CUL7: variants seen among roughly 807,000 people sequenced by gnomAD.
CUL7 encodes the protein cullin-7.
Under a neutral mutation model 177.7 loss-of-function variants are expected in CUL7, and 96 were observed. That is an observed-to-expected ratio of 0.54 (90% CI 0.46 to 0.64). The LOEUF (loss-of-function observed/expected upper bound fraction) is 0.64, where lower values mean the gene tolerates loss of function less well. Among genes scored for constraint, CUL7 ranks in the 30% least tolerant of loss-of-function variants. The pLI is 0.00. For synonymous variants in CUL7, 824 were observed against 890.2 expected (o/e 0.93, Z 1.32); for missense variants, 1,893 against 2,187.9 (o/e 0.87, Z 2.69).
At chr6:43,038,791 G>T in intron 23 of CUL7, 51 bp downstream of exon 23, 1 of 1,614,062 alleles carries the variant, frequency 6.2e-7, no homozygotes, top group Non-Finnish European at 8.5e-7. Flanking sequence ...TGGGAAGAGA[G>T]GCAAGGGACA....
At chr6:43,046,202 C>A (rs371635618) in intron 12 of CUL7, 34 bp downstream of exon 12, 41 of 1,613,984 alleles carry the variant, frequency 2.5e-5, no homozygotes, top group Non-Finnish European at 3.3e-5. Flanking sequence ...GGAAAGCACA[C>A]GTGTGTGGCA....
chr6:43,037,971 C>T lies in CUL7; in HGVS notation c.4814G>A (p.Gly1605Asp), dbSNP rs1292265736. 1 of 1,596,838 alleles carries T rather than the reference C, an allele frequency of 6.3e-7. No homozygotes were observed. Among genetic ancestry groups the T allele is most frequent in the South Asian group, 1.1e-5 (1 of 88,578 alleles). ...CCCCTTACCAAGGCTGCTGACCAAA[C>T]CCCTGGGAGGACACGGGCCCTTCTG... ...AWQKGPCPPRGLVSSLGKGSA... is the reference protein window; with the variant it reads ...AWQKGPCPPRDLVSSLGKGSA... The change falls in exon 26 of 26, where the codon GGT (glycine) becomes GAT (aspartate). Residue 1605 changes from glycine to aspartate, a missense_variant. Transcript: ENST00000265348.
In CUL7 at chr6:43,045,466, G is replaced by A. The variant is rs559664750; in HGVS notation, c.2863-64C>T. The stretch of plus-strand genomic sequence containing the variant: ...CTTGGGATGGGCTGGGGTCAGCTAC[G>A]CCCTCGAACCTCACCCCTGGAGCTG... On this transcript the variant is annotated intron_variant, in intron 14 of 25. Coordinates refer to ENST00000265348, the MANE Select transcript of CUL7 (RefSeq NM_014780.5). This position sits in a 1 kb window ranked among gnomAD's most constrained non-coding sequence, Gnocchi z 4.8. 25 of 1,613,806 alleles carry A rather than the reference G, an allele frequency of 1.5e-5. No homozygotes were observed. The highest frequency in any genetic ancestry group is 3.3e-4 in the Middle Eastern group (2 of 6,062).
intron 9 of CUL7, chr6:43,047,933 TTC>T (rs1348215142): frequency 1.7e-6 from 1 of 576,906 alleles, no homozygotes; most frequent in Non-Finnish European, 3.1e-6. Context: ...AGAGCAAGAA[TTC>T]TCAGTGTATA....
chr6:43,051,291 T>C lies in CUL7; in HGVS notation c.910A>G (p.Ile304Val). ...CGCATGGCTTGCACCAGCTCCGAGA[T>C]CAGGGTGCCCATGGCCATACTGAAC... ...LEFSMAMGTL[I>V]SELVQAMRWD... The change falls in exon 4 of 26, where the codon ATC (isoleucine) becomes GTC (valine). Residue 304 changes from isoleucine (I) to valine (V), a missense_variant. Coordinates refer to ENST00000265348, the MANE Select transcript of CUL7 (RefSeq NM_014780.5). The surrounding 1 kb of genome is among the most constrained non-coding windows in gnomAD (Gnocchi z 5.0). 6.2e-7 allele frequency: 1 copy of C among 1,610,228 alleles called. No individual in the cohort carries two copies.
intron 7 of CUL7, among the ~76,000 whole-genome samples, chr6:43,049,124 C>T (rs753719878): frequency 2.9e-4 from 44 of 152,156 alleles, no homozygotes; most frequent in Non-Finnish European, 4.1e-4. Flanking sequence ...GAGAGCACTT[C>T]CCTTTATTTC....
chr6:43,043,687 G>A lies in CUL7; in HGVS notation c.3173-57C>T. On this transcript the variant is annotated intron_variant, in intron 16 of 25. Coordinates refer to ENST00000265348, the MANE Select transcript of CUL7 (RefSeq NM_014780.5). The surrounding 1 kb of genome is among the most constrained non-coding windows in gnomAD (Gnocchi z 4.2). ...GCCATGTCTGCAGGGAAGTGGGAGT[G>A]GTTGGGCTGAACAGGAGTGTGGAGA... 1 of 1,199,518 alleles carries A rather than the reference G, an allele frequency of 8.3e-7. No individual in the cohort carries two copies. The highest frequency in any genetic ancestry group is 1.2e-6 in the Non-Finnish European group (1 of 823,650). 74.3% of individuals were successfully genotyped at this position (1,199,518 alleles called of 1,614,324 possible).
intron 9 of CUL7, among the ~76,000 whole-genome samples, chr6:43,047,379 G>T (rs1764010145): frequency 6.6e-6 from 1 of 152,196 alleles, no homozygotes; most frequent in African/African-American, 2.4e-5. Context: ...AAACGGCAGA[G>T]AGCATCCCTG....
intron 9 of CUL7, chr6:43,047,947 C>G: frequency 1.7e-6 from 1 of 595,288 alleles, no homozygotes; most frequent in South Asian, 2.0e-5. Context: ...CAGTGTATAC[C>G]TTGTTAGAGC....
Position 43,053,611 on chromosome 6 carries a change from G to C in CUL7, c.-9+11C>G. 7.4e-7 allele frequency: 1 copy of C among 1,356,310 alleles called. No individual in the cohort carries two copies. The highest frequency in any genetic ancestry group is 9.5e-7 in the Non-Finnish European group (1 of 1,057,044). The allele number at this position is 1,356,310 out of a possible 1,614,324, so 84.0% of individuals were successfully genotyped here. ...AGGAGAAGCAAGGGGCCGCGGTGGG[G>C]CTCTGGCCACCTCAGAAGTCCACCG... On this transcript the variant is annotated intron_variant, in intron 1 of 25. Transcript: ENST00000265348. This position sits in a 1 kb window ranked among gnomAD's most constrained non-coding sequence, Gnocchi z 4.1.
intron 19 of CUL7, among the ~76,000 whole-genome samples, chr6:43,041,514 G>A (rs1043643620): frequency 1.4e-4 from 21 of 152,238 alleles, no homozygotes; most frequent in African/African-American, 3.9e-4. Flanking sequence ...AGGCTGAGAG[G>A]ACCACCTGAG....
Position 43,045,694 on chromosome 6 carries a change from CA to C in CUL7, c.2767-13del, listed in dbSNP as rs745524763. 1 of 1,614,028 alleles carries C rather than the reference CA, an allele frequency of 6.2e-7. No homozygotes were observed. On this transcript the variant is annotated splice_polypyrimidine_tract_variant and intron_variant, in intron 13 of 25. Transcript: ENST00000265348. This position sits in a 1 kb window ranked among gnomAD's most constrained non-coding sequence, Gnocchi z 4.8. ...GGCATCACATTCACCTGGCAGGGGGCAGAGAAAGCTGTCACCTCCACACATG... is the reference window on the plus strand; with the variant it reads ...GGCATCACATTCACCTGGCAGGGGGCGAGAAAGCTGTCACCTCCACACATG...
rs1764270076 is a variant in CUL7, at chr6:43,050,117, G to T, written c.1415C>A (p.Ala472Asp). Residue 472 changes from alanine to aspartate, a missense_variant, in exon 6 of 26, where the codon GCT becomes GAT. Transcript: ENST00000265348. The surrounding 1 kb of genome is among the most constrained non-coding windows in gnomAD (Gnocchi z 4.1). ...ATCCTCAGGCAGCACATAAGGCACAGCATAGAGTTCTGTCATGGGCCTCCA... is the reference window on the plus strand; with the variant it reads ...ATCCTCAGGCAGCACATAAGGCACATCATAGAGTTCTGTCATGGGCCTCCA... ...WRWRPMTELY[A>D]VPYVLPEDED... The T allele has an allele frequency of 1.2e-6, 2 of 1,614,096 alleles. No individual in the cohort carries two copies. Among genetic ancestry groups the T allele is most frequent in the Non-Finnish European group, 1.7e-6 (2 of 1,180,058 alleles).
rs1581911643 is a variant in CUL7 at position 43,040,745 on chromosome 6, G to A, written c.3808C>T (p.His1270Tyr). Residue 1270 changes from histidine (H) to tyrosine (Y), a missense_variant and splice_region_variant, in exon 21 of 26, where the codon CAC becomes TAC. Physicochemically the swap from His to Tyr is moderately conservative, Grantham distance 83 (BLOSUM62 2). Coordinates refer to ENST00000265348, the MANE Select transcript of CUL7 (RefSeq NM_014780.5). This position sits in a 1 kb window ranked among gnomAD's most constrained non-coding sequence, Gnocchi z 4.2. Reference sequence around the variant, plus strand: ...CCCAGGAGACGGTCCGCCATGTAGTGCCTGCAGTGCATGCAGCCCGGGCCA... The same window carrying A: ...CCCAGGAGACGGTCCGCCATGTAGTACCTGCAGTGCATGCAGCCCGGGCCA... ...IATTFEHYYQ[H>Y]YMADRLLGVV... 1 of 1,614,016 alleles carries A rather than the reference G, an allele frequency of 6.2e-7. No individual in the cohort carries two copies. The highest frequency in any genetic ancestry group is 8.5e-7 in the Non-Finnish European group (1 of 1,179,944).
intron 19 of CUL7, 39 bp from the exon 20 acceptor site, chr6:43,041,114 G>A (rs755363835): frequency 3.0e-5 from 48 of 1,607,820 alleles, no homozygotes; most frequent in East Asian, 4.5e-5. Flanking sequence ...ATGAATGAGC[G>A]AGCAGAGCAG....
Position 43,050,818 on chromosome 6 carries a change from C to T in CUL7, c.1233+150G>A. On this transcript the variant is annotated intron_variant, in intron 4 of 25. Transcript: ENST00000265348. The surrounding 1 kb of genome is among the most constrained non-coding windows in gnomAD (Gnocchi z 4.1). The stretch of plus-strand genomic sequence containing the variant: ...ATTTTCCCAGCTCTCAGAATGGCCC[C>T]CCTCTCAACTACTGACTCTTTTCAC... 9.9e-7 allele frequency: 1 copy of T among 1,009,542 alleles called. No individual in the cohort carries two copies. Among genetic ancestry groups the T allele is most frequent in the Non-Finnish European group, 1.5e-6 (1 of 685,154 alleles). The allele number at this position is 1,009,542 out of a possible 1,614,324, so 62.5% of individuals were successfully genotyped here.
In CUL7 at chr6:43,048,206, C is replaced by T. The variant is rs1764084796; in HGVS notation, c.2111G>A (p.Trp704Ter). Residue 704 changes from tryptophan to a stop codon, truncating the protein, a stop_gained, in exon 9 of 26, where the codon TGG (tryptophan) becomes TAG (stop). Transcript: ENST00000265348. LOFTEE classifies it high-confidence loss of function. ...VDFPEALLLP[W>*]HEAVDACMAC... is the part of the protein sequence containing the mutation. ...CATGCAGGCATCCACGGCCTCGTGC[C>T]AGGGGAGCAGCAGTGCCTCGGGGAA... 6.2e-7 allele frequency: 1 copy of T among 1,614,094 alleles called. No individual in the cohort carries two copies. Among genetic ancestry groups the T allele is most frequent in the Non-Finnish European group, 8.5e-7 (1 of 1,179,964 alleles).
In CUL7 at chr6:43,053,554, A is replaced by T. The variant is rs1030776682; in HGVS notation, c.-9+68T>A. 9.0e-7 allele frequency: 1 copy of T among 1,113,456 alleles called. No homozygotes were observed. Among genetic ancestry groups the T allele is most frequent in the Non-Finnish European group, 1.2e-6 (1 of 846,918 alleles). The allele number at this position is 1,113,456 out of a possible 1,614,324, so 69.0% of individuals were successfully genotyped here. On this transcript the variant is annotated intron_variant, in intron 1 of 25. Transcript: ENST00000265348. This position sits in a 1 kb window ranked among gnomAD's most constrained non-coding sequence, Gnocchi z 4.1. ...GTAGGATGGGGACCGAGGTTGGGTG[A>T]GCGCGAGGCTCGATGGGCTAGTGGG...
rs975805512 is a variant in CUL7 at position 43,051,882 on chromosome 6, G to A, written c.581-119C>T. The A allele has an allele frequency of 7.5e-7, 1 of 1,338,928 alleles. No individual in the cohort carries two copies. The highest frequency in any genetic ancestry group is 1.1e-6 in the Non-Finnish European group (1 of 936,170). The allele number at this position is 1,338,928 out of a possible 1,614,324, so 82.9% of individuals were successfully genotyped here. A position where few individuals can be genotyped will look rare whatever the true frequency, so the allele number is the denominator to read the frequency against. On this transcript the variant is annotated intron_variant, in intron 2 of 25. Coordinates refer to ENST00000265348, the MANE Select transcript of CUL7 (RefSeq NM_014780.5). This position sits in a 1 kb window ranked among gnomAD's most constrained non-coding sequence, Gnocchi z 5.0. ...CCACACAATGAGAAAGAACTGATTT[G>A]CTTCAAAAGCTAAAATTTGCTAACT... is the stretch of plus-strand genomic sequence containing the variant.
Sources: allele counts gnomAD v4.1 joint callset (sites outside exome capture counted in the v4.1 genomes callset), GRCh38; gene constraint gnomAD v4.1.1; non-coding constraint Gnocchi (gnomAD v3.1); transcripts MANE v1.5; gene names NCBI Gene and HGNC (gene_info 2026-07-23, HGNC 2026-07-21).